GRIK2: variants seen among roughly 807,000 people sequenced by gnomAD.
GRIK2 encodes glutamate ionotropic receptor kainate type subunit 2.
A neutral mutation model predicts 100.3 loss-of-function variants in GRIK2; 32 were observed. The ratio of observed to expected loss-of-function variants is 0.32; its 90% CI spans 0.24 to 0.43. The LOEUF (loss-of-function observed/expected upper bound fraction) is 0.43. GRIK2 is among the 20% of genes least tolerant of loss of function. The pLI is 1.00. For synonymous variants in GRIK2, 417 were observed against 389.4 expected, an observed-to-expected ratio of 1.07 and a Z score of -0.83; for missense variants, 843 against 1,114.9, an observed-to-expected ratio of 0.76 and a Z score of 3.47.
chr6:101,565,929 ATATG>A (rs528574108), intron 2 of GRIK2, among the ~76,000 whole-genome samples: 26 of 72,266 alleles, frequency 3.6e-4, no homozygotes, highest in African/African-American at 1.3e-3. Flanking sequence ...ATATATATAT[ATATG>A]TGTATATATA....
At chr6:101,860,790 G>T (rs1784691137) in intron 11 of GRIK2, 1 of 162,870 alleles carries the variant, frequency 6.1e-6, no homozygotes, top group Non-Finnish European at 1.3e-5. Flanking sequence ...TCCTGTCATG[G>T]CTGAGAATAC....
At chr6:101,795,700 G>A (rs934194705) in intron 7 of GRIK2, among the ~76,000 whole-genome samples, 14 of 152,208 alleles carry the variant, frequency 9.2e-5, no homozygotes, top group Non-Finnish European at 1.8e-4. Context: ...GCCCTCAGGA[G>A]AAGTGCACGG....
At chr6:101,718,479 A>C (rs1354907973) in intron 7 of GRIK2, among the ~76,000 whole-genome samples, 1 of 151,986 alleles carries the variant, frequency 6.6e-6, no homozygotes, top group Non-Finnish European at 1.5e-5. Context: ...ATATCCCAAG[A>C]GTAATTGAAG....
At chr6:102,031,350 C>T (rs1357925266) in intron 14 of GRIK2, among the ~76,000 whole-genome samples, 2 of 151,212 alleles carry the variant, frequency 1.3e-5, no homozygotes, top group Non-Finnish European at 3.0e-5. Flanking sequence ...ATATTTTGTT[C>T]TTGCATGTTA....
intron 2 of GRIK2, among the ~76,000 whole-genome samples, chr6:101,450,975 A>G (rs911133105): frequency 3.3e-5 from 5 of 151,660 alleles, no homozygotes; most frequent in African/African-American, 1.2e-4. Context: ...AAACTTTAAC[A>G]TAGCTTTCAG....
At chr6:101,846,639 G>A (rs749854906) in intron 10 of GRIK2, among the ~76,000 whole-genome samples, 9 of 151,888 alleles carry the variant, frequency 5.9e-5, no homozygotes, top group Non-Finnish European at 1.2e-4. Context: ...GAAGTTATTT[G>A]GTTCTGGGAT....
chr6:101,496,867 C>T (rs1163616968), intron 2 of GRIK2, among the ~76,000 whole-genome samples: 1 of 152,070 alleles, frequency 6.6e-6, no homozygotes, highest in Non-Finnish European at 1.5e-5. Flanking sequence ...ATCAAATAAA[C>T]CTTTGGAATA....
chr6:101,695,178 G>T (rs1772391758), intron 7 of GRIK2, among the ~76,000 whole-genome samples: 1 of 152,024 alleles, frequency 6.6e-6, no homozygotes, highest in African/African-American at 2.4e-5. Context: ...GTATTGGCAG[G>T]ATTGGTGTCT....
chr6:102,020,333 GAT>G (rs1389118994), intron 14 of GRIK2, among the ~76,000 whole-genome samples: 7 of 151,912 alleles, frequency 4.6e-5, no homozygotes, highest in Non-Finnish European at 1.0e-4. Context: ...ACTGCAATGG[GAT>G]ATTGTAGTAG....
At position 101,769,088 on chromosome 6, in the gene GRIK2, A is replaced by C. The variant is rs958286691; in HGVS notation, c.952-30560A>C. Among the ~76,000 whole-genome samples the C allele has an allele frequency of 1.3e-5, 2 of 152,126 alleles. 1 individual carries two copies. On this transcript the variant is annotated intron_variant, in intron 7 of 16. Transcript: ENST00000369134. ...AACTTCATGCTTTTAACTTTTGGTT[A>C]AGGGTATTCCTTCTGGTTTGGTTAA...
chr6:102,059,054 A>G (rs1771612709), intron 16 of GRIK2, among the ~76,000 whole-genome samples: 1 of 151,314 alleles, frequency 6.6e-6, no homozygotes, highest in Admixed American at 6.6e-5. Flanking sequence ...GTGAAAACAA[A>G]TAGCTCTTGA....
intron 14 of GRIK2, among the ~76,000 whole-genome samples, chr6:101,994,703 CTT>C (rs1794558810): frequency 1.3e-5 from 2 of 151,776 alleles, no homozygotes; most frequent in African/African-American, 4.8e-5. Context: ...TGTGCTTTGT[CTT>C]TTTCCATTAG....
intron 2 of GRIK2, among the ~76,000 whole-genome samples, chr6:101,453,398 C>T (rs1268418871): frequency 1.3e-5 from 2 of 151,942 alleles, no homozygotes; most frequent in African/African-American, 2.4e-5. Flanking sequence ...TATTACACTA[C>T]ATTTTGGGTT....
At chr6:101,764,759 A>G (rs929349699) in intron 7 of GRIK2, among the ~76,000 whole-genome samples, 39 of 152,046 alleles carry the variant, frequency 2.6e-4, no homozygotes, top group African/African-American at 9.2e-4. Flanking sequence ...TATTATACCA[A>G]TGTGTCTGTC....
At chr6:101,891,554 A>G (rs1260061722) in intron 12 of GRIK2, 1 of 372,942 alleles carries the variant, frequency 2.7e-6, no homozygotes, top group Non-Finnish European at 5.1e-6. Context: ...TTATATTTTT[A>G]TATATTTGCA....
chr6:101,511,512 A>G (rs1192673654), intron 2 of GRIK2, among the ~76,000 whole-genome samples: 1 of 152,042 alleles, frequency 6.6e-6, no homozygotes, highest in African/African-American at 2.4e-5. Flanking sequence ...CATATAACTC[A>G]ATATATTAAG....
chr6:101,891,923 G>A (rs576505150), intron 12 of GRIK2, among the ~76,000 whole-genome samples: 42 of 152,186 alleles, frequency 2.8e-4, no homozygotes, highest in Non-Finnish European at 5.6e-4. Context: ...TCTAGTTTAT[G>A]TGTTCAGAGA....
At chr6:101,586,892 CAAAA>C (rs1199378638) in intron 2 of GRIK2, among the ~76,000 whole-genome samples, 1 of 53,970 alleles carries the variant, frequency 1.9e-5, no homozygotes, top group Non-Finnish European at 3.7e-5. Context: ...TCTGTCTTAA[CAAAA>C]AAAAAAAAAA....
chr6:101,601,005 G>T (rs1198758007), intron 2 of GRIK2, among the ~76,000 whole-genome samples: 2 of 151,698 alleles, frequency 1.3e-5, no homozygotes, highest in African/African-American at 4.8e-5. Flanking sequence ...GTCTTCTTCA[G>T]TTCTTATGGG....
Sources: gnomAD v4.1 joint callset for allele counts (sites outside exome capture counted in the v4.1 genomes callset) on GRCh38, gnomAD v4.1.1 for gene constraint, MANE v1.5 for transcripts, NCBI Gene and HGNC (gene_info 2026-07-23, HGNC 2026-07-21) for gene names.